The following SNTG1 variants were observed in gnomAD, a reference collection of about 807,000 sequenced individuals.
SNTG1 encodes gamma-1-syntrophin.
SNTG1 carries 39 observed loss-of-function variants against 74.7 expected under a neutral mutation model. The ratio of observed to expected loss-of-function variants is 0.52; its 90% CI spans 0.40 to 0.68. The LOEUF (loss-of-function observed/expected upper bound fraction) is 0.68. Among genes scored for constraint, SNTG1 ranks in the 30% least tolerant of loss-of-function variants. The probability of loss-of-function intolerance (pLI) is 0.00; values close to 1 mark genes in which losing one functional copy is unlikely to be tolerated. For synonymous variants in SNTG1, 254 were observed against 217.1 expected, an observed-to-expected ratio of 1.17 and a Z score of -1.49; for missense variants, 685 against 609.5, an observed-to-expected ratio of 1.12 and a Z score of -1.30.
intron 13 of SNTG1, among the ~76,000 whole-genome samples, chr8:50,632,297 A>AT (rs2095005190): frequency 2.7e-5 from 4 of 150,124 alleles, no homozygotes; most frequent in Non-Finnish European, 5.9e-5. Context: ...TTATTTATTT[A>AT]TTTATTTATT....
rs76418629 is a variant in SNTG1 at position 50,146,720 on chromosome 8, G to T, written c.-102-25841G>T. ...CTCACCAGCCATTGATATTGTAAGA[G>T]TTTTGTTTAATTTTAGATATTCTAA... On this transcript the variant is annotated intron_variant, in intron 1 of 18. Coordinates refer to ENST00000642720, the MANE Select transcript of SNTG1 (RefSeq NM_018967.5). 3.2e-3 allele frequency among the ~76,000 whole-genome samples: 485 copies of T among 152,128 alleles called. 6 individuals are homozygous for T. The highest frequency in any genetic ancestry group is 0.011 in the African/African-American group (467 of 41,506).
intron 2 of SNTG1, chr8:50,382,138 C>T (rs1214136439): frequency 6.6e-6 from 1 of 151,848 alleles, no homozygotes; most frequent in Non-Finnish European, 1.5e-5. Context: ...TTTCCCAGCC[C>T]AGTGATTCAA....
At chr8:50,783,295 C>A (rs2095665454) in intron 18 of SNTG1, among the ~76,000 whole-genome samples, 2 of 152,198 alleles carry the variant, frequency 1.3e-5, no homozygotes, top group South Asian at 4.1e-4. Context: ...GCCCTGCCCC[C>A]AGAGGTGGAG....
chr8:50,578,423 AAG>A (rs34191085), intron 12 of SNTG1, among the ~76,000 whole-genome samples: 130,765 of 151,768 alleles, frequency 0.86, 56,514 homozygotes, highest in East Asian at 0.94. Context: ...ATGAGAGAGA[AAG>A]AGAGAGAGAG....
chr8:50,031,480 T>C (rs1817736193), intron 1 of SNTG1, among the ~76,000 whole-genome samples: 1 of 152,080 alleles, frequency 6.6e-6, no homozygotes, highest in African/African-American at 2.4e-5. Flanking sequence ...GTAGATTCTC[T>C]TTATCACATT....
rs781511328 is a variant in SNTG1 at position 50,658,603 on chromosome 8, G to T, written c.978G>T (p.Trp326Cys). Residue 326 changes from tryptophan (W) to cysteine (C), a missense_variant, in exon 15 of 19, where the codon TGG becomes TGT. Trp to Cys is a radical substitution (Grantham distance 215). Transcript: ENST00000642720. ...YKFLAPPVTT[W>C]DWTRAEKTFS... ...CTTATCTTTTAAAGGTGACCACCTG[G>T]GACTGGACGAGAGCAGAGAAAACAT... The T allele has an allele frequency of 6.2e-7, 1 of 1,607,102 alleles. No homozygotes were observed. The highest frequency in any genetic ancestry group is 8.5e-7 in the Non-Finnish European group (1 of 1,175,308).
intron 17 of SNTG1, among the ~76,000 whole-genome samples, chr8:50,741,962 T>C (rs7844665): frequency 0.42 from 63,275 of 151,796 alleles, 15,665 homozygotes; most frequent in African/African-American, 0.7. Context: ...ACACATTTGT[T>C]AAAATCCATA....
intron 2 of SNTG1, among the ~76,000 whole-genome samples, chr8:50,243,050 T>A (rs2086235879): frequency 6.6e-6 from 1 of 152,088 alleles, no homozygotes; most frequent in Non-Finnish European, 1.5e-5. Context: ...ATAAATAAAT[T>A]TGACTTCTGA....
At chr8:50,470,833 G>A (rs1026491875) in intron 8 of SNTG1, among the ~76,000 whole-genome samples, 3 of 152,150 alleles carry the variant, frequency 2.0e-5, no homozygotes, top group Non-Finnish European at 4.4e-5. Context: ...GGGGACCCCA[G>A]GGGTTGCTGC....
intron 13 of SNTG1, among the ~76,000 whole-genome samples, chr8:50,617,568 G>T (rs1349076675): frequency 1.3e-5 from 2 of 152,132 alleles, no homozygotes; most frequent in African/African-American, 4.8e-5. Context: ...AAACTCCTCA[G>T]ACACCAAGTT....
At chr8:50,327,878 C>A (rs1432317886) in intron 2 of SNTG1, among the ~76,000 whole-genome samples, 1 of 152,048 alleles carries the variant, frequency 6.6e-6, no homozygotes, top group Non-Finnish European at 1.5e-5. Flanking sequence ...TACATTTACA[C>A]TGAATCTAAA....
chr8:50,646,430 G>A (rs2095109511), intron 13 of SNTG1, among the ~76,000 whole-genome samples: 3 of 152,144 alleles, frequency 2.0e-5, no homozygotes, highest in African/African-American at 7.2e-5. Flanking sequence ...GGAAACCATG[G>A]TAATATTAGA....
At chr8:50,388,649 ACT>A (rs1405702565) in intron 2 of SNTG1, among the ~76,000 whole-genome samples, 1 of 152,122 alleles carries the variant, frequency 6.6e-6, no homozygotes, top group Non-Finnish European at 1.5e-5. Flanking sequence ...CAGGCTGGAA[ACT>A]CTCATGCAGA....
intron 12 of SNTG1, among the ~76,000 whole-genome samples, chr8:50,564,439 C>A (rs1472359151): frequency 6.6e-6 from 1 of 151,818 alleles, no homozygotes; most frequent in Non-Finnish European, 1.5e-5. Context: ...CTCATGGTGG[C>A]AATAGTAAAT....
intron 12 of SNTG1, among the ~76,000 whole-genome samples, chr8:50,574,636 T>C (rs1303440174): frequency 6.6e-6 from 1 of 152,186 alleles, no homozygotes; most frequent in African/African-American, 2.4e-5. Context: ...AAACACTTCC[T>C]CAGAACAGTA....
chr8:50,023,453 T>C (rs1055601067), intron 1 of SNTG1, among the ~76,000 whole-genome samples: 2 of 152,148 alleles, frequency 1.3e-5, no homozygotes, highest in Non-Finnish European at 2.9e-5. Flanking sequence ...CATTATTTTA[T>C]TGATAACTTT....
rs192082433 is a variant in SNTG1, at chr8:50,732,602, A to G, written c.1285-19399A>G. 9.1e-4 allele frequency among the ~76,000 whole-genome samples: 138 copies of G among 152,072 alleles called. 2 individuals carry two copies. Among genetic ancestry groups the G allele is most frequent in the Middle Eastern group, 6.8e-3 (2 of 294 alleles). Reference sequence around the variant, plus strand: ...CATTTTATATATTGTATTTCCATACAATTAATTTTTATAAATGGAATTTCT... The same window carrying G: ...CATTTTATATATTGTATTTCCATACGATTAATTTTTATAAATGGAATTTCT... On this transcript the variant is annotated intron_variant, in intron 17 of 18. Transcript: ENST00000642720.
intron 1 of SNTG1, among the ~76,000 whole-genome samples, chr8:50,159,497 T>C (rs1289779398): frequency 6.6e-6 from 1 of 152,204 alleles, no homozygotes; most frequent in Admixed American, 6.5e-5. Flanking sequence ...CTGTTCTTTG[T>C]AATTATTAAT....
At chr8:50,395,156 T>C (rs1465305720) in intron 3 of SNTG1, among the ~76,000 whole-genome samples, 2 of 152,128 alleles carry the variant, frequency 1.3e-5, no homozygotes, top group East Asian at 3.8e-4. Flanking sequence ...TCTAAAGCAA[T>C]TGAAAAAATA....
Sources: gnomAD v4.1 joint callset for allele counts (sites outside exome capture counted in the v4.1 genomes callset) on GRCh38, gnomAD v4.1.1 for gene constraint, MANE v1.5 for transcripts, NCBI Gene and HGNC (gene_info 2026-07-23, HGNC 2026-07-21) for gene names.